VPS51: variants seen among roughly 807,000 people sequenced by gnomAD.
VPS51 encodes the protein VPS51 subunit of GARP complex.
Under a neutral mutation model 65.1 loss-of-function variants are expected in VPS51, and 55 were observed. That is an observed-to-expected ratio of 0.84 (90% confidence interval 0.68 to 1.06). The LOEUF (loss-of-function observed/expected upper bound fraction) is 1.06, where lower values mean the gene tolerates loss of function less well. Among genes scored for constraint, VPS51 ranks in the 50% least tolerant of loss-of-function variants. VPS51 has a pLI of 0.00. For missense variants in VPS51, 943 were observed against 1,101.6 expected (o/e 0.86, Z 2.04); for synonymous variants, 473 against 489.5 (o/e 0.97, Z 0.44).
In VPS51 at chr11:65,096,477, A is replaced by T; in HGVS notation, c.227A>T (p.Lys76Met). The change falls in exon 1 of 10, where the codon AAG becomes ATG. Residue 76 changes from lysine (K) to methionine (M), a missense_variant and splice_region_variant. Coordinates refer to ENST00000279281, the MANE Select transcript of VPS51 (RefSeq NM_013265.4). ...AHFDPEVYLD[K>M]LRRECPLAQL... ...TTCGACCCGGAAGTTTACCTAGACA[A>T]GGTGTGTGCGCACGGGGAGTGGGGG... 8.7e-7 allele frequency: 1 copy of T among 1,147,072 alleles called. No homozygotes were observed. The highest frequency in any genetic ancestry group is 1.8e-5 in the African/African-American group (1 of 54,742). 71.1% of individuals were successfully genotyped at this position (1,147,072 alleles called of 1,614,324 possible).
chr11:65,110,685 C>G lies in VPS51; in HGVS notation c.2001-9C>G. 2 of 1,614,166 alleles carry G rather than the reference C, an allele frequency of 1.2e-6. No individual in the cohort carries two copies. Among genetic ancestry groups the G allele is most frequent in the Non-Finnish European group, 1.7e-6 (2 of 1,180,024 alleles). On this transcript the variant is annotated splice_polypyrimidine_tract_variant and intron_variant, in intron 8 of 9. Transcript: ENST00000279281. ...GGCGGGCTCTGATTCCTTGTCTTCC[C>G]CAATCCAGTGCCCCGATGGACACCA...
chr11:65,103,951 CAG>C (rs1947826088), intron 2 of VPS51, among the ~76,000 whole-genome samples: 1 of 150,028 alleles, frequency 6.7e-6, no homozygotes, highest in South Asian at 2.1e-4. Context: ...TTATTTGAGA[CAG>C]AGTGTTGCTC....
At chr11:65,105,090 C>T (rs918004023) in intron 2 of VPS51, among the ~76,000 whole-genome samples, 9 of 152,310 alleles carry the variant, frequency 5.9e-5, no homozygotes, top group Admixed American at 5.2e-4. Context: ...TTTCTGACCT[C>T]ATAATTGGTT....
chr11:65,099,169 G>A (rs143649162), intron 2 of VPS51, among the ~76,000 whole-genome samples: 49 of 152,248 alleles, frequency 3.2e-4, no homozygotes, highest in African/African-American at 1.1e-3. Context: ...ATAGACTTGG[G>A]CGAGACACTC....
intron 1 of VPS51, 47 bp from the exon 2 acceptor site, chr11:65,096,951 G>A (rs188037613): frequency 6.2e-7 from 1 of 1,608,688 alleles, no homozygotes. Context: ...AAGGCTGGGG[G>A]ACATGAATGC....
At chr11:65,105,546 G>A (rs1041676948) in intron 2 of VPS51, 2 of 152,112 alleles carry the variant, frequency 1.3e-5, no homozygotes, top group African/African-American at 4.8e-5. Flanking sequence ...GTGACCAAAT[G>A]TGTTGGGTTT....
In VPS51 at chr11:65,109,925, T is replaced by C. The variant is rs1408403043; in HGVS notation, c.1878+2T>C. The C allele has an allele frequency of 6.3e-7, 1 of 1,593,518 alleles. No individual in the cohort carries two copies. The highest frequency in any genetic ancestry group is 8.5e-7 in the Non-Finnish European group (1 of 1,173,544). The stretch of plus-strand genomic sequence containing the variant: ...GATACCACCGCCATCGACGTGCAGG[T>C]GCTGCCCAGGCTGGCCGGGGTAGCC... On this transcript the variant is annotated splice_donor_variant, in intron 7 of 9. Transcript: ENST00000279281. LOFTEE classifies it high-confidence loss of function.
chr11:65,103,558 TA>T (rs1489698111), intron 2 of VPS51, among the ~76,000 whole-genome samples: 6 of 152,354 alleles, frequency 3.9e-5, no homozygotes, highest in Admixed American at 2.6e-4. Flanking sequence ...TTTTCTCTAA[TA>T]TTTTTTTCCT....
At chr11:65,101,119 G>T (rs892849797) in intron 2 of VPS51, among the ~76,000 whole-genome samples, 14 of 152,126 alleles carry the variant, frequency 9.2e-5, no homozygotes, top group Non-Finnish European at 1.6e-4. Flanking sequence ...TAGGAGTGGG[G>T]GAATAAGGAA....
rs750319081 is a variant in VPS51, at chr11:65,111,494, G to C, written c.2256G>C (p.Leu752=). 6.2e-7 allele frequency: 1 copy of C among 1,613,874 alleles called. No homozygotes were observed. Among genetic ancestry groups the C allele is most frequent in the Non-Finnish European group, 8.5e-7 (1 of 1,180,048 alleles). The change falls in exon 10 of 10, where the codon CTG becomes CTC. Residue 752 remains leucine, a synonymous_variant. Coordinates refer to ENST00000279281, the MANE Select transcript of VPS51 (RefSeq NM_013265.4). ...CCGACGAAGAACTCGTGCACTTGCTGCTGGACGAAGTGGTGGCCTCTGCTG... is the reference window on the plus strand; with the variant it reads ...CCGACGAAGAACTCGTGCACTTGCTCCTGGACGAAGTGGTGGCCTCTGCTG... The part of the protein sequence containing the change: ...FVADEELVHL[L]LDEVVASAAL...
chr11:65,098,494 A>G (rs1403015656), intron 2 of VPS51, among the ~76,000 whole-genome samples: 4 of 152,052 alleles, frequency 2.6e-5, no homozygotes, highest in Admixed American at 6.6e-5. Context: ...AGACTTTTGT[A>G]GTAATTGTAC....
chr11:65,102,802 C>T (rs866923949), intron 2 of VPS51, among the ~76,000 whole-genome samples: 7 of 152,138 alleles, frequency 4.6e-5, no homozygotes, highest in East Asian at 1.9e-4. Context: ...CACTGCATAG[C>T]GCTGCCTTTG....
rs1947858886 is a variant in VPS51, at chr11:65,108,306, C to T, written c.835C>T (p.Arg279Trp). 3 of 1,607,484 alleles carry T rather than the reference C, an allele frequency of 1.9e-6. No individual in the cohort carries two copies. Among genetic ancestry groups the T allele is most frequent in the Non-Finnish European group, 2.5e-6 (3 of 1,177,882 alleles). ...GGAGTTCCTGGCGCACGCCCGCGGC[C>T]GGCTGGAGAAGGAGCTGAGAAACCT... The part of the protein sequence containing the change: ...CEEFLAHARG[R>W]LEKELRNLEA... Residue 279 changes from arginine (R) to tryptophan (W), a missense_variant, in exon 5 of 10, where the codon CGG becomes TGG. Physicochemically the swap from Arg to Trp is moderately radical, Grantham distance 101. Around this residue, in one of 2 missense-constraint regions of VPS51, gnomAD observed 855 missense variants for 953.7 expected, o/e 0.90. Coordinates refer to ENST00000279281, the MANE Select transcript of VPS51 (RefSeq NM_013265.4).
chr11:65,104,052 C>T (rs1947826637), intron 2 of VPS51, among the ~76,000 whole-genome samples: 2 of 152,080 alleles, frequency 1.3e-5, no homozygotes, highest in Non-Finnish European at 2.9e-5. Flanking sequence ...CCTCAGCCTT[C>T]CCAGTAGCTA....
rs778637885 is a variant in VPS51 at position 65,111,569 on chromosome 11, C to T, written c.2331C>T (p.Val777=). 1.9e-6 allele frequency: 3 copies of T among 1,608,486 alleles called. No individual in the cohort carries two copies. In the South Asian group the frequency reaches 3.3e-5, roughly 18 times the overall value. The change falls in exon 10 of 10, where the codon GTC becomes GTT. Residue 777 remains valine, a synonymous_variant. Coordinates refer to ENST00000279281, the MANE Select transcript of VPS51 (RefSeq NM_013265.4). Reference sequence around the variant, plus strand: ...CCATGGAGCCCAGTGTGGTTGAGGTCATCTGCGAGCGCGGCTAGGCGCAGC... The same window carrying T: ...CCATGGAGCCCAGTGTGGTTGAGGTTATCTGCGAGCGCGGCTAGGCGCAGC... ...PVPMEPSVVE[V]ICERG
intron 2 of VPS51, among the ~76,000 whole-genome samples, chr11:65,098,328 T>C (rs1167821757): frequency 6.6e-6 from 1 of 152,206 alleles, no homozygotes; most frequent in Non-Finnish European, 1.5e-5. Flanking sequence ...CCTTCCCTCC[T>C]TAACTAAGCA....
In VPS51 at chr11:65,108,544, A is replaced by G. The variant is rs1425516497; in HGVS notation, c.1073A>G (p.Gln358Arg). 1.3e-6 allele frequency: 2 copies of G among 1,575,796 alleles called. No individual in the cohort carries two copies. Among genetic ancestry groups the G allele is most frequent in the East Asian group, 2.3e-5 (1 of 43,820 alleles). The change falls in exon 5 of 10, where the codon CAG (glutamine) becomes CGG (arginine). Residue 358 changes from glutamine to arginine, a missense_variant. Physicochemically the swap from Gln to Arg is conservative, Grantham distance 43. Coordinates refer to ENST00000279281, the MANE Select transcript of VPS51 (RefSeq NM_013265.4). ...YFALVERRLA[Q>R]EQGGGDNSLL... ...GCGCTGGTGGAGCGGCGGCTGGCGC[A>G]GGAGCAGGGTGGTGGTGACAACTCA... is the stretch of plus-strand genomic sequence containing the variant.
At position 65,108,878 on chromosome 11, in the gene VPS51, C is replaced by G. The variant is rs1947866076; in HGVS notation, c.1407C>G (p.Ala469=). The G allele has an allele frequency of 6.2e-7, 1 of 1,613,060 alleles. No individual in the cohort carries two copies. Among genetic ancestry groups the G allele is most frequent in the East Asian group, 2.2e-5 (1 of 44,876 alleles). ...TGGCAGCAGTGCACCTTTTCACCGCCAAAGAGGTGTCCTTCTCCAACAAGC... is the reference window on the plus strand; with the variant it reads ...TGGCAGCAGTGCACCTTTTCACCGCGAAAGAGGTGTCCTTCTCCAACAAGC... ...ASLAAVHLFT[A]KEVSFSNKPY... Residue 469 remains alanine, a synonymous_variant, in exon 5 of 10, where the codon GCC becomes GCG. Transcript: ENST00000279281.
chr11:65,103,756 A>G lies in VPS51; in HGVS notation c.359-3825A>G, dbSNP rs145971838. Reference sequence around the variant, plus strand: ...GGCTCACAAGTGATTGCAGTTAGATATTTCCAGATTCTTCTTTGTAAATGC... The same window carrying G: ...GGCTCACAAGTGATTGCAGTTAGATGTTTCCAGATTCTTCTTTGTAAATGC... On this transcript the variant is annotated intron_variant, in intron 2 of 9. Coordinates refer to ENST00000279281, the MANE Select transcript of VPS51 (RefSeq NM_013265.4). Among the ~76,000 whole-genome samples, 6 of 152,218 alleles carry G rather than the reference A, an allele frequency of 3.9e-5. No homozygotes were observed. The East Asian group carries it at 1.2e-3, about 29-fold the overall frequency.
Sources: gnomAD v4.1 joint callset for allele counts (sites outside exome capture counted in the v4.1 genomes callset) on GRCh38, gnomAD v4.1.1 for gene constraint, gnomAD v4.1.1 regional missense constraint, MANE v1.5 for transcripts, NCBI Gene and HGNC (gene_info 2026-07-23, HGNC 2026-07-21) for gene names.